PTPRD: variants seen among roughly 807,000 people sequenced by gnomAD.
PTPRD encodes protein tyrosine phosphatase receptor type D.
PTPRD carries 34 observed loss-of-function variants against 214.5 expected under a neutral mutation model. That is an observed-to-expected ratio of 0.16 (90% CI 0.12 to 0.21). PTPRD has a LOEUF of 0.21. Among genes scored for constraint, PTPRD ranks in the 10% least tolerant of loss-of-function variants. The pLI is 1.00. For missense variants in PTPRD, 2,545 were observed against 2,398.7 expected (o/e 1.06, Z -1.27); for synonymous variants, 1,128 against 845.7 (o/e 1.33, Z -5.79).
chr9:8,738,156 G>T lies in PTPRD; in HGVS notation c.-103-4210C>A, dbSNP rs79313380. Among the ~76,000 whole-genome samples, 1,360 of 152,288 alleles carry T rather than the reference G, an allele frequency of 8.9e-3. 22 individuals carry two copies. The highest frequency in any genetic ancestry group is 0.031 in the African/African-American group (1,276 of 41,554). ...ACATGGGTGGTTGGAGAAACTAACA[G>T]TTCAGAGGGCAATACGATGCATGTA... On this transcript the variant is annotated intron_variant, in intron 11 of 45. Transcript: ENST00000381196.
At chr9:10,285,808 AC>A (rs1287162866) in intron 3 of PTPRD, among the ~76,000 whole-genome samples, 1 of 151,584 alleles carries the variant, frequency 6.6e-6, no homozygotes, top group Non-Finnish European at 1.5e-5. Context: ...GACCGGTTTC[AC>A]CGTGTTAGCC....
chr9:8,755,777 T>G (rs1010240628), intron 11 of PTPRD, among the ~76,000 whole-genome samples: 4 of 152,146 alleles, frequency 2.6e-5, no homozygotes, highest in African/African-American at 4.8e-5. Flanking sequence ...AAGTCAAAGT[T>G]ACACACAAAG....
intron 11 of PTPRD, among the ~76,000 whole-genome samples, chr9:8,853,476 T>G (rs1601928324): frequency 6.6e-6 from 1 of 152,162 alleles, no homozygotes; most frequent in African/African-American, 2.4e-5. Flanking sequence ...AAGCATGACA[T>G]TTTAATAAGT....
intron 8 of PTPRD, among the ~76,000 whole-genome samples, chr9:9,511,179 T>C (rs1334818587): frequency 6.6e-6 from 1 of 151,802 alleles, no homozygotes; most frequent in Non-Finnish European, 1.5e-5. Flanking sequence ...AATATCACAC[T>C]GTATATTCTG....
At chr9:8,523,813 G>A (rs1239120067) in intron 18 of PTPRD, among the ~76,000 whole-genome samples, 1 of 151,964 alleles carries the variant, frequency 6.6e-6, no homozygotes, top group Non-Finnish European at 1.5e-5. Context: ...AAGGATCAAG[G>A]GACTTTCGAA....
chr9:9,562,338 G>C (rs1213749164), intron 8 of PTPRD, among the ~76,000 whole-genome samples: 1 of 152,016 alleles, frequency 6.6e-6, no homozygotes, highest in Non-Finnish European at 1.5e-5. Context: ...CCACTATTCT[G>C]GATGAAGCCC....
chr9:9,912,908 T>G (rs2079615294), intron 5 of PTPRD, among the ~76,000 whole-genome samples: 1 of 152,208 alleles, frequency 6.6e-6, no homozygotes, highest in Non-Finnish European at 1.5e-5. Flanking sequence ...TCAATGCATC[T>G]TACAATTTCC....
intron 11 of PTPRD, among the ~76,000 whole-genome samples, chr9:8,843,165 T>G (rs2097596252): frequency 6.6e-6 from 1 of 152,208 alleles, no homozygotes. Context: ...CTGGGAAATC[T>G]GAGAGGAAAG....
chr9:8,628,029 T>C (rs1211550354), intron 14 of PTPRD, among the ~76,000 whole-genome samples: 1 of 151,912 alleles, frequency 6.6e-6, no homozygotes, highest in Non-Finnish European at 1.5e-5. Context: ...ACCATAATTG[T>C]CAGCACGTTT....
rs78520608 is a variant in PTPRD, at chr9:9,958,030, AAGAG to A, written c.-471-19424_-471-19421del. Among the ~76,000 whole-genome samples, 140 of 152,152 alleles carry A rather than the reference AAGAG, an allele frequency of 9.2e-4. 1 individual carries two copies. The highest frequency in any genetic ancestry group is 3.3e-3 in the African/African-American group (137 of 41,564). ...ACTGGAAGTTCATTTGTGTATGTGT[AAGAG>A]AGAGAATCTAGACATAGAGCTTACA... On this transcript the variant is annotated intron_variant, in intron 4 of 45. Transcript: ENST00000381196.
chr9:9,042,764 T>C (rs1300348518), intron 10 of PTPRD, among the ~76,000 whole-genome samples: 1 of 152,014 alleles, frequency 6.6e-6, no homozygotes, highest in African/African-American at 2.4e-5. Context: ...AGATACTTGG[T>C]TTCCCAGCCT....
chr9:10,462,851 C>T (rs1417670451), intron 2 of PTPRD, among the ~76,000 whole-genome samples: 1 of 151,144 alleles, frequency 6.6e-6, no homozygotes, highest in Non-Finnish European at 1.5e-5. Flanking sequence ...AATTAATATA[C>T]AAATTAGCAT....
chr9:10,150,147 TTA>T (rs1283894080), intron 3 of PTPRD, among the ~76,000 whole-genome samples: 1 of 152,100 alleles, frequency 6.6e-6, no homozygotes, highest in Non-Finnish European at 1.5e-5. Context: ...TTCCGAATAT[TTA>T]TGTTTAAAGA....
intron 11 of PTPRD, among the ~76,000 whole-genome samples, chr9:8,769,463 G>C (rs2095030010): frequency 6.6e-6 from 1 of 152,192 alleles, no homozygotes; most frequent in South Asian, 2.1e-4. Flanking sequence ...TCCACAAAGT[G>C]TGTGATTTGG....
chr9:9,987,293 T>C (rs1396268651), intron 4 of PTPRD, among the ~76,000 whole-genome samples: 1 of 152,190 alleles, frequency 6.6e-6, no homozygotes, highest in Non-Finnish European at 1.5e-5. Flanking sequence ...GAATTTGTGA[T>C]GCTGTGTTGT....
At chr9:10,192,445 GAAAAAAAAAAAAA>G (rs552289562) in intron 3 of PTPRD, among the ~76,000 whole-genome samples, 1 of 72,646 alleles carries the variant, frequency 1.4e-5, no homozygotes, top group Non-Finnish European at 2.6e-5. Flanking sequence ...CACGATCCAG[GAAAAAAAAAAAAA>G]AAAAAAAAAA....
At chr9:8,424,319 A>C (rs937284280) in intron 35 of PTPRD, among the ~76,000 whole-genome samples, 2 of 152,082 alleles carry the variant, frequency 1.3e-5, no homozygotes, top group Non-Finnish European at 1.5e-5. Context: ...TAGTGGTCAG[A>C]ACATTACCCA....
chr9:10,252,778 C>T (rs944634441), intron 3 of PTPRD, among the ~76,000 whole-genome samples: 2 of 151,894 alleles, frequency 1.3e-5, no homozygotes, highest in Non-Finnish European at 2.9e-5. Context: ...GTCACAGAGC[C>T]GAAGTGTATT....
Position 9,711,007 on chromosome 9 carries a change from A to T in PTPRD, c.-287+23526T>A, listed in dbSNP as rs150615794. Among the ~76,000 whole-genome samples the T allele has an allele frequency of 5.9e-5, 9 of 152,150 alleles. No individual in the cohort carries two copies. The East Asian group carries it at 1.7e-3, about 30-fold the overall frequency. On this transcript the variant is annotated intron_variant, in intron 7 of 45. Transcript: ENST00000381196. Reference sequence around the variant, plus strand: ...GTGTGTGTGTGTGTATGCACACGACAACGTGTGAATGTGCCCTACGATGGA... The same window carrying T: ...GTGTGTGTGTGTGTATGCACACGACTACGTGTGAATGTGCCCTACGATGGA...
Sources: allele counts gnomAD v4.1 joint callset (sites outside exome capture counted in the v4.1 genomes callset), GRCh38; gene constraint gnomAD v4.1.1; transcripts MANE v1.5; gene names NCBI Gene and HGNC (gene_info 2026-07-23, HGNC 2026-07-21).